RSRC1: variants seen among roughly 807,000 people sequenced by gnomAD.
The protein encoded by RSRC1 is serine/Arginine-related protein 53.
Under a neutral mutation model 49.1 loss-of-function variants are expected in RSRC1, and 39 were observed. That is an observed-to-expected ratio of 0.79 (90% CI 0.61 to 1.04). The LOEUF (loss-of-function observed/expected upper bound fraction) is 1.04, where lower values mean the gene tolerates loss of function less well. Ranked by LOEUF, RSRC1 falls within the 50% of genes least tolerant of loss-of-function variation. RSRC1 has a pLI of 0.00. For missense variants in RSRC1, 388 were observed against 402.4 expected (o/e 0.96, Z 0.31); for synonymous variants, 143 against 130.8 (o/e 1.09, Z -0.63).
chr3:158,437,562 C>A (rs1736119299), intron 6 of RSRC1, among the ~76,000 whole-genome samples: 1 of 152,070 alleles, frequency 6.6e-6, no homozygotes, highest in Admixed American at 6.6e-5. Flanking sequence ...GTGACAAAAA[C>A]CACATAATTA....
At chr3:158,504,563 C>G (rs774152040) in intron 7 of RSRC1, among the ~76,000 whole-genome samples, 1 of 152,310 alleles carries the variant, frequency 6.6e-6, no homozygotes, top group South Asian at 2.1e-4. Flanking sequence ...TCTTTCTACT[C>G]ACTGGGTACT....
At chr3:158,145,881 T>A (rs1253041863) in intron 3 of RSRC1, among the ~76,000 whole-genome samples, 1 of 152,194 alleles carries the variant, frequency 6.6e-6, no homozygotes, top group Non-Finnish European at 1.5e-5. Context: ...GGTATTTTAT[T>A]CTCTTTGAAG....
intron 7 of RSRC1, among the ~76,000 whole-genome samples, chr3:158,494,751 C>A (rs1047790657): frequency 3.9e-5 from 6 of 152,078 alleles, no homozygotes; most frequent in Non-Finnish European, 7.4e-5. Flanking sequence ...CAAACACATA[C>A]GTTAGCCTAA....
chr3:158,217,421 A>G (rs1026545030), intron 4 of RSRC1, among the ~76,000 whole-genome samples: 1 of 151,704 alleles, frequency 6.6e-6, no homozygotes, highest in Non-Finnish European at 1.5e-5. Flanking sequence ...CGGTCTCTCA[A>G]GTCCTTTTTT....
intron 4 of RSRC1, among the ~76,000 whole-genome samples, chr3:158,278,158 T>C (rs1454765258): frequency 6.6e-6 from 1 of 152,212 alleles, no homozygotes; most frequent in Non-Finnish European, 1.5e-5. Flanking sequence ...AAAAAAATCA[T>C]ACAACCAACA....
intron 7 of RSRC1, among the ~76,000 whole-genome samples, chr3:158,503,171 C>T (rs1298291009): frequency 6.6e-6 from 1 of 152,150 alleles, no homozygotes; most frequent in Non-Finnish European, 1.5e-5. Flanking sequence ...GGGTCTAGCC[C>T]CTCAGCAAGT....
chr3:158,142,976 T>A (rs1014579918), intron 3 of RSRC1, among the ~76,000 whole-genome samples: 3 of 152,208 alleles, frequency 2.0e-5, no homozygotes, highest in Non-Finnish European at 4.4e-5. Flanking sequence ...TAATAGTAGA[T>A]TCAGTAGATT....
rs1740188559 is a variant in RSRC1, at chr3:158,511,706, C to G, written c.653-25386C>G. The stretch of plus-strand genomic sequence containing the variant: ...CCCTGAGGAATCACCACACTGACTT[C>G]CACCATGGTTGAACTAGTTTACAGT... On this transcript the variant is annotated intron_variant, in intron 7 of 9. Coordinates refer to ENST00000611884, the MANE Select transcript of RSRC1 (RefSeq NM_001271838.2). Among the ~76,000 whole-genome samples, 3 of 152,206 alleles carry G rather than the reference C, an allele frequency of 2.0e-5. No homozygotes were observed. The South Asian group carries it at 6.2e-4, about 31-fold the overall frequency.
At chr3:158,271,567 AAT>A (rs1276292145) in intron 4 of RSRC1, among the ~76,000 whole-genome samples, 2 of 152,242 alleles carry the variant, frequency 1.3e-5, no homozygotes, top group East Asian at 3.9e-4. Flanking sequence ...ATGAAGCAAA[AAT>A]ATATTTGCTT....
intron 4 of RSRC1, among the ~76,000 whole-genome samples, chr3:158,252,829 A>C (rs1199688147): frequency 6.6e-6 from 1 of 152,090 alleles, no homozygotes; most frequent in Non-Finnish European, 1.5e-5. Flanking sequence ...GTATGTGTCT[A>C]GGAATATTTC....
chr3:158,156,844 A>T (rs1277332488), intron 3 of RSRC1, among the ~76,000 whole-genome samples: 1 of 152,362 alleles, frequency 6.6e-6, no homozygotes, highest in South Asian at 2.1e-4. Flanking sequence ...ACAGATCACT[A>T]TAACAGATAC....
chr3:158,144,770 A>G (rs547825677), intron 3 of RSRC1, among the ~76,000 whole-genome samples: 2 of 152,170 alleles, frequency 1.3e-5, no homozygotes, highest in East Asian at 3.9e-4. Flanking sequence ...AAGTGTTCCT[A>G]TTTCTCCACA....
chr3:158,398,074 GA>G, intron 6 of RSRC1, among the ~76,000 whole-genome samples: 1 of 152,114 alleles, frequency 6.6e-6, no homozygotes, highest in Non-Finnish European at 1.5e-5. Flanking sequence ...CATACATTGA[GA>G]CTTTCTGATG....
At chr3:158,110,943 G>C (rs1025415901) in intron 1 of RSRC1, among the ~76,000 whole-genome samples, 4 of 152,130 alleles carry the variant, frequency 2.6e-5, no homozygotes, top group Non-Finnish European at 5.9e-5. Context: ...CTCTCTCAGA[G>C]GTTGTGTATC....
chr3:158,228,455 A>G (rs1722647227), intron 4 of RSRC1, among the ~76,000 whole-genome samples: 1 of 151,974 alleles, frequency 6.6e-6, no homozygotes, highest in Admixed American at 6.6e-5. Context: ...AGAACTACAT[A>G]GAGTTTGAAT....
At chr3:158,198,785 C>G (rs773058106) in intron 3 of RSRC1, among the ~76,000 whole-genome samples, 1 of 152,076 alleles carries the variant, frequency 6.6e-6, no homozygotes, top group Admixed American at 6.6e-5. Context: ...TGGAGCTGTT[C>G]GTATTCGGCC....
At chr3:158,512,525 G>C (rs902122509) in intron 7 of RSRC1, among the ~76,000 whole-genome samples, 4 of 152,222 alleles carry the variant, frequency 2.6e-5, no homozygotes, top group African/African-American at 9.7e-5. Context: ...TAGCCTTATA[G>C]TATAGTTTGA....
At chr3:158,519,934 T>C (rs570713051) in intron 7 of RSRC1, among the ~76,000 whole-genome samples, 66 of 152,046 alleles carry the variant, frequency 4.3e-4, no homozygotes, top group African/African-American at 1.5e-3. Flanking sequence ...AAATGAGGAA[T>C]TGTGACCAGT....
At chr3:158,422,668 T>G (rs1735147329) in intron 6 of RSRC1, among the ~76,000 whole-genome samples, 1 of 150,990 alleles carries the variant, frequency 6.6e-6, no homozygotes, top group African/African-American at 2.4e-5. Flanking sequence ...TCCACAATGG[T>G]TGAACTAGTT....
Sources: allele counts gnomAD v4.1 joint callset (sites outside exome capture counted in the v4.1 genomes callset), GRCh38; gene constraint gnomAD v4.1.1; transcripts MANE v1.5; gene names NCBI Gene and HGNC (gene_info 2026-07-23, HGNC 2026-07-21).